KLHL6: variants seen among roughly 807,000 people sequenced by gnomAD.
KLHL6 encodes kelch like family member 6.
Under a neutral mutation model 58.6 loss-of-function variants are expected in KLHL6, and 41 were observed. The observed-to-expected ratio is 0.70, with a 90% CI of 0.55 to 0.91. KLHL6 has a LOEUF of 0.91. KLHL6 is among the 40% of genes least tolerant of loss of function. KLHL6 has a pLI of 0.00. For missense variants in KLHL6, 714 were observed against 805.6 expected (o/e 0.89, Z 1.38); for synonymous variants, 338 against 322.7 (o/e 1.05, Z -0.51).
At chr3:183,539,045 G>A (rs1439509447) in intron 1 of KLHL6, among the ~76,000 whole-genome samples, 1 of 152,158 alleles carries the variant, frequency 6.6e-6, no homozygotes, top group Non-Finnish European at 1.5e-5. Flanking sequence ...TAGGGCTGGA[G>A]GTATGTATTT....
At chr3:183,493,789 T>G (rs1356223002) in intron 5 of KLHL6, 2 of 416,556 alleles carry the variant, frequency 4.8e-6, no homozygotes, top group African/African-American at 4.0e-5. Context: ...CCAAGAGATC[T>G]CCCATCTAAG....
intron 1 of KLHL6, among the ~76,000 whole-genome samples, chr3:183,546,855 A>G (rs1295840280): frequency 1.3e-5 from 2 of 152,030 alleles, no homozygotes; most frequent in Non-Finnish European, 2.9e-5. Flanking sequence ...CAATTCCTCC[A>G]AGATTTACAC....
At position 183,492,242 on chromosome 3, in the gene KLHL6, G is replaced by T; in HGVS notation, c.1565-14C>A. 1 of 1,572,574 alleles carries T rather than the reference G, an allele frequency of 6.4e-7. No homozygotes were observed. On this transcript the variant is annotated splice_polypyrimidine_tract_variant and intron_variant, in intron 6 of 6. Coordinates refer to ENST00000341319, the MANE Select transcript of KLHL6 (RefSeq NM_130446.4). The surrounding 1 kb of genome is among the most constrained non-coding windows in gnomAD (Gnocchi z 5.9). ...TCATGGCCCCACCTGAGGAGAGGGA[G>T]GAAACACGGTGGGCATCGCTCCATT... is the stretch of plus-strand genomic sequence containing the variant.
intron 4 of KLHL6, among the ~76,000 whole-genome samples, chr3:183,496,676 TA>T (rs1026097528): frequency 3.9e-5 from 6 of 152,264 alleles, no homozygotes; most frequent in African/African-American, 1.4e-4. Context: ...GCTTTGCATG[TA>T]ATAACTATAT....
Position 183,497,339 on chromosome 3 carries a change from G to T in KLHL6, c.1147+2251C>A, listed in dbSNP as rs1717741839. On this transcript the variant is annotated intron_variant, in intron 4 of 6. Coordinates refer to ENST00000341319, the MANE Select transcript of KLHL6 (RefSeq NM_130446.4). Reference sequence around the variant, plus strand: ...AGGCAGGAGAATTGCTTGAACCTGGGAGGCAGAGGTTGCAGTGAGCCGAGA... The same window carrying T: ...AGGCAGGAGAATTGCTTGAACCTGGTAGGCAGAGGTTGCAGTGAGCCGAGA... Among the ~76,000 whole-genome samples the T allele has an allele frequency of 2.0e-5, 3 of 152,316 alleles. No homozygotes were observed. The South Asian group carries it at 6.2e-4, about 32-fold the overall frequency.
In KLHL6 at chr3:183,555,394, C is replaced by A; in HGVS notation, c.260G>T (p.Arg87Leu). 1 of 1,614,072 alleles carries A rather than the reference C, an allele frequency of 6.2e-7. No individual in the cohort carries two copies. Among genetic ancestry groups the A allele is most frequent in the Non-Finnish European group, 8.5e-7 (1 of 1,180,000 alleles). Reference sequence around the variant, plus strand: ...GTTGCTGGCTGCGGCAAGCACCACGCGGTGGCAGGAGAATTCCTGAATGTC... The same window carrying A: ...GTTGCTGGCTGCGGCAAGCACCACGAGGTGGCAGGAGAATTCCTGAATGTC... ...CVDIQEFSCH[R>L]VVLAAASNYF... The change falls in exon 1 of 7, where the codon CGC becomes CTC. Residue 87 changes from arginine to leucine, a missense_variant. By Grantham distance (102) the Arg-to-Leu change is moderately radical. Coordinates refer to ENST00000341319, the MANE Select transcript of KLHL6 (RefSeq NM_130446.4).
intron 2 of KLHL6, among the ~76,000 whole-genome samples, chr3:183,514,973 G>A (rs1711515509): frequency 6.6e-6 from 1 of 152,154 alleles, no homozygotes; most frequent in African/African-American, 2.4e-5. Context: ...CCCGGCCAGG[G>A]CTATTTTCTT....
chr3:183,533,291 CTCTTTCTTTCT>C (rs905013103), intron 1 of KLHL6, among the ~76,000 whole-genome samples: 1 of 150,956 alleles, frequency 6.6e-6, no homozygotes, highest in African/African-American at 2.4e-5. Flanking sequence ...CCTTCCTTCC[CTCTTTCTTTCT>C]TCTTTCTTTC....
At chr3:183,500,703 G>A (rs1717844468) in intron 3 of KLHL6, among the ~76,000 whole-genome samples, 7 of 152,204 alleles carry the variant, frequency 4.6e-5, no homozygotes, top group Admixed American at 4.6e-4. Flanking sequence ...AAAAGGAAGA[G>A]CTGCCCTTCC....
At chr3:183,505,917 A>G (rs78794982) in intron 3 of KLHL6, among the ~76,000 whole-genome samples, 3,310 of 152,346 alleles carry the variant, frequency 0.022, 61 homozygotes, top group South Asian at 0.051. Flanking sequence ...CAAAGAAAAC[A>G]CCAGGCTCTG....
At chr3:183,539,725 A>G (rs71318325) in intron 1 of KLHL6, among the ~76,000 whole-genome samples, 2,392 of 151,770 alleles carry the variant, frequency 0.016, 37 homozygotes, top group Middle Eastern at 0.027. Context: ...AAAAAACAAA[A>G]AAACAACTCC....
chr3:183,533,682 G>A (rs1560106721), intron 1 of KLHL6, among the ~76,000 whole-genome samples: 1 of 152,086 alleles, frequency 6.6e-6, no homozygotes, highest in Non-Finnish European at 1.5e-5. Flanking sequence ...ACGAGAGAGA[G>A]ACAGAGATAC....
intron 2 of KLHL6, among the ~76,000 whole-genome samples, chr3:183,517,412 A>C (rs1386304644): frequency 1.3e-5 from 2 of 152,102 alleles, no homozygotes; most frequent in African/African-American, 4.8e-5. Flanking sequence ...CCGTGGCAGT[A>C]TGTCTCACAG....
At chr3:183,516,521 A>G (rs1711569231) in intron 2 of KLHL6, among the ~76,000 whole-genome samples, 1 of 152,230 alleles carries the variant, frequency 6.6e-6, no homozygotes, top group African/African-American at 2.4e-5. Flanking sequence ...TAAAAATACA[A>G]TCAAAGAAAC....
rs1239772529 is a variant in KLHL6, at chr3:183,487,914, G to A, written c.*4013C>T. On this transcript the variant is annotated 3_prime_UTR_variant, in exon 7 of 7. Transcript: ENST00000341319. The stretch of plus-strand genomic sequence containing the variant: ...TTGCCAACGTTAAAAATTCTATTGA[G>A]CACTTTCATTTTTCAGAATAAAACA... 2.0e-5 allele frequency: 3 copies of A among 152,150 alleles called. No individual in the cohort carries two copies. The highest frequency in any genetic ancestry group is 6.5e-5 in the Admixed American group (1 of 15,290). 9.4% of individuals were successfully genotyped at this position (152,150 alleles called of 1,614,324 possible).
chr3:183,499,723 G>A lies in KLHL6; in HGVS notation c.1014C>T (p.Thr338=). ...GGCTGCGCCTCAGGGGGTCCAGGCA[G>A]GTCACCTCTGCCACAAACCGTTCAT... ...TKDERFVAEV[T]CLDPLRRSRL... is the part of the protein sequence containing the mutation. The change falls in exon 4 of 7, where the codon ACC becomes ACT. Residue 338 remains threonine, a synonymous_variant. Coordinates refer to ENST00000341319, the MANE Select transcript of KLHL6 (RefSeq NM_130446.4). The surrounding 1 kb of genome is among the most constrained non-coding windows in gnomAD (Gnocchi z 4.6). 3 of 1,611,396 alleles carry A rather than the reference G, an allele frequency of 1.9e-6. No individual in the cohort carries two copies. In the South Asian group the frequency reaches 3.3e-5, roughly 18 times the overall value.
At chr3:183,510,651 G>A (rs1718156265) in intron 2 of KLHL6, among the ~76,000 whole-genome samples, 1 of 152,108 alleles carries the variant, frequency 6.6e-6, no homozygotes, top group Admixed American at 6.6e-5. Flanking sequence ...GAGGCATGCA[G>A]ATCACCTGAG....
At chr3:183,549,546 T>A (rs1712838327) in intron 1 of KLHL6, among the ~76,000 whole-genome samples, 1 of 152,230 alleles carries the variant, frequency 6.6e-6, no homozygotes, top group Non-Finnish European at 1.5e-5. Flanking sequence ...TCTTGCTCTG[T>A]TGCCCCGGCT....
At chr3:183,506,103 G>A (rs1683561110) in intron 3 of KLHL6, among the ~76,000 whole-genome samples, 2 of 152,206 alleles carry the variant, frequency 1.3e-5, no homozygotes, top group Admixed American at 1.3e-4. Context: ...ATGGCCTAAT[G>A]AAGAAAGCCT....
Sources: allele counts gnomAD v4.1 joint callset (sites outside exome capture counted in the v4.1 genomes callset), GRCh38; gene constraint gnomAD v4.1.1; non-coding constraint Gnocchi (gnomAD v3.1); transcripts MANE v1.5; gene names NCBI Gene and HGNC (gene_info 2026-07-23, HGNC 2026-07-21).